Variants in NRF1 observed in about 807,000 individuals in gnomAD.
NRF1 encodes alpha palindromic-binding protein.
In NRF1, 5 loss-of-function variants were observed where a neutral mutation model predicts 58.5. The observed-to-expected ratio is 0.09, with a 90% CI of 0.04 to 0.18. The LOEUF (loss-of-function observed/expected upper bound fraction) is 0.18, where lower values mean the gene tolerates loss of function less well. Among genes scored for constraint, NRF1 ranks in the 10% least tolerant of loss-of-function variants. The probability of loss-of-function intolerance (pLI) is 1.00; values close to 1 mark genes in which losing one functional copy is unlikely to be tolerated. For missense variants in NRF1, 288 were observed against 657.7 expected (o/e 0.44, Z 6.15); for synonymous variants, 224 against 246.7 (o/e 0.91, Z 0.86).
intron 2 of NRF1, among the ~76,000 whole-genome samples, chr7:129,669,139 G>T (rs984535103): frequency 6.6e-6 from 1 of 152,118 alleles, no homozygotes; most frequent in Non-Finnish European, 1.5e-5. Context: ...TAGAGATGGG[G>T]TTTCACCATA....
At chr7:129,619,396 G>GTATATATATATATATATA (rs749333673) in intron 1 of NRF1, among the ~76,000 whole-genome samples, 3 of 47,366 alleles carry the variant, frequency 6.3e-5, no homozygotes, top group African/African-American at 2.1e-4. Flanking sequence ...TGGCATACGT[G>GTATATATATATATATATA]TATATATATA....
At chr7:129,702,135 G>T (rs1802839390) in intron 5 of NRF1, among the ~76,000 whole-genome samples, 1 of 152,150 alleles carries the variant, frequency 6.6e-6, no homozygotes, top group African/African-American at 2.4e-5. Context: ...TGGCAAAGAG[G>T]ACTTTGACTT....
intron 1 of NRF1, among the ~76,000 whole-genome samples, chr7:129,632,648 A>AT (rs1398689434): frequency 2.6e-5 from 4 of 152,060 alleles, no homozygotes; most frequent in African/African-American, 9.7e-5. Flanking sequence ...GAAAAAAAAA[A>AT]CAATGTTTGG....
chr7:129,648,877 C>T (rs1002739637), intron 1 of NRF1, among the ~76,000 whole-genome samples: 17 of 148,620 alleles, frequency 1.1e-4, no homozygotes, highest in African/African-American at 7.4e-5. Flanking sequence ...GGTCTGTAGT[C>T]GGGGTCTGGA....
chr7:129,703,167 C>T (rs898261735), intron 5 of NRF1, among the ~76,000 whole-genome samples: 6 of 152,040 alleles, frequency 3.9e-5, no homozygotes, highest in East Asian at 3.9e-4. Flanking sequence ...CTGATTGTCC[C>T]GGGAAGTGGT....
At chr7:129,733,213 A>C (rs1803624422) in intron 10 of NRF1, among the ~76,000 whole-genome samples, 1 of 152,198 alleles carries the variant, frequency 6.6e-6, no homozygotes, top group Non-Finnish European at 1.5e-5. Context: ...CACGCCTGTA[A>C]TCCCAGCACT....
rs562326228 is a variant in NRF1, at chr7:129,746,392, CCTGT to C, written c.1349-8623_1349-8620del. ...TCCATCTAGTCCTTGGTATTCTCAG[CCTGT>C]CTAACTGCTGTCTGCCTGCTAGACT... On this transcript the variant is annotated intron_variant, in intron 10 of 10. Transcript: ENST00000393232. 2.2e-4 allele frequency among the ~76,000 whole-genome samples: 33 copies of C among 152,314 alleles called. No homozygotes were observed. The South Asian group carries it at 3.7e-3, about 17-fold the overall frequency.
In NRF1 at chr7:129,657,451, G is replaced by A. The variant is rs138017377; in HGVS notation, c.100G>A (p.Glu34Lys). The stretch of plus-strand genomic sequence containing the variant: ...GCAGGTCCATGTGGCTACTTACACC[G>A]AGCATAGTATGCTGAGTGCTGATGA... ...VQQVHVATYT[E>K]HSMLSADEDS... The change falls in exon 2 of 11, where the codon GAG becomes AAG. Residue 34 changes from glutamate (E) to lysine (K), a missense_variant. Glu to Lys is a moderately conservative substitution (Grantham distance 56). This residue lies in a region of NRF1 where 48 missense variants were observed against 65.5 expected (regional missense o/e 0.73). Coordinates refer to ENST00000393232, the MANE Select transcript of NRF1 (RefSeq NM_005011.5). 6.8e-6 allele frequency: 11 copies of A among 1,613,912 alleles called. No individual in the cohort carries two copies. The highest frequency in any genetic ancestry group is 9.3e-6 in the Non-Finnish European group (11 of 1,179,990).
At position 129,690,396 on chromosome 7, in the gene NRF1, T is replaced by C; in HGVS notation, c.466-10T>C. On this transcript the variant is annotated splice_polypyrimidine_tract_variant and intron_variant, in intron 4 of 10. Coordinates refer to ENST00000393232, the MANE Select transcript of NRF1 (RefSeq NM_005011.5). The stretch of plus-strand genomic sequence containing the variant: ...GCATCTTGTTTACTTCTGCCCTTAA[T>C]TCCCTGCAGGTGCGTAAGTACAAGA... 1 of 1,610,990 alleles carries C rather than the reference T, an allele frequency of 6.2e-7. No homozygotes were observed. The highest frequency in any genetic ancestry group is 8.5e-7 in the Non-Finnish European group (1 of 1,178,298).
chr7:129,709,289 C>T, intron 6 of NRF1, 56 bp downstream of exon 6: 1 of 1,381,426 alleles, frequency 7.2e-7, no homozygotes, highest in Non-Finnish European at 9.5e-7. Flanking sequence ...AATTAACCAC[C>T]TCAATTTTTG....
intron 1 of NRF1, among the ~76,000 whole-genome samples, chr7:129,641,251 CCT>C (rs758430996): frequency 1.4e-4 from 22 of 151,840 alleles, no homozygotes; most frequent in Non-Finnish European, 2.4e-4. Flanking sequence ...CTTTTTTACC[CCT>C]GTCATTATTT....
intron 9 of NRF1, among the ~76,000 whole-genome samples, chr7:129,723,235 G>T (rs112508443): frequency 2.0e-5 from 3 of 152,058 alleles, no homozygotes; most frequent in Admixed American, 2.0e-4. Flanking sequence ...CCTGAGGTTG[G>T]GAGTTCGAGA....
At chr7:129,664,049 C>T (rs1308124791) in intron 2 of NRF1, among the ~76,000 whole-genome samples, 1 of 151,248 alleles carries the variant, frequency 6.6e-6, no homozygotes, top group African/African-American at 2.4e-5. Context: ...CACCGGAGCC[C>T]AGGGCAGGGA....
intron 10 of NRF1, among the ~76,000 whole-genome samples, chr7:129,749,474 T>G (rs1209446447): frequency 6.6e-6 from 1 of 152,130 alleles, no homozygotes; most frequent in Non-Finnish European, 1.5e-5. Flanking sequence ...CTCATTGTCC[T>G]TGACAGGGAA....
At chr7:129,740,819 G>C (rs1041188980) in intron 10 of NRF1, among the ~76,000 whole-genome samples, 2 of 152,262 alleles carry the variant, frequency 1.3e-5, no homozygotes, top group African/African-American at 4.8e-5. Context: ...TTATATGCCA[G>C]GAATTGCTAA....
At chr7:129,753,993 T>C (rs1328518514) in intron 10 of NRF1, among the ~76,000 whole-genome samples, 2 of 151,964 alleles carry the variant, frequency 1.3e-5, no homozygotes, top group Admixed American at 1.3e-4. Flanking sequence ...AGAAAAATAA[T>C]GGTGGCCTGT....
chr7:129,659,288 A>G (rs1274548622), intron 2 of NRF1, among the ~76,000 whole-genome samples: 1 of 152,088 alleles, frequency 6.6e-6, no homozygotes, highest in Non-Finnish European at 1.5e-5. Context: ...CCTGTTGGCC[A>G]GGCCGGTCTT....
At chr7:129,752,560 A>G (rs1212627629) in intron 10 of NRF1, among the ~76,000 whole-genome samples, 1 of 152,156 alleles carries the variant, frequency 6.6e-6, no homozygotes, top group East Asian at 1.9e-4. Flanking sequence ...ACATTATGGA[A>G]AGATATTTTG....
intron 1 of NRF1, among the ~76,000 whole-genome samples, chr7:129,625,959 A>G (rs11768624): frequency 0.63 from 95,793 of 151,796 alleles, 31,157 homozygotes; most frequent in South Asian, 0.73. Context: ...TGGGATTACA[A>G]GCATGAGCCA....
Sources: gnomAD v4.1 joint callset for allele counts (sites outside exome capture counted in the v4.1 genomes callset) on GRCh38, gnomAD v4.1.1 for gene constraint, gnomAD v4.1.1 regional missense constraint, MANE v1.5 for transcripts, NCBI Gene and HGNC (gene_info 2026-07-23, HGNC 2026-07-21) for gene names.